Variants in PDLIM1 observed in about 807,000 individuals in gnomAD.
PDLIM1 encodes PDZ and LIM domain 1, also known as PDZ and LIM domain protein 1.
A neutral mutation model predicts 35.2 loss-of-function variants in PDLIM1; 25 were observed. The observed-to-expected ratio is 0.71, with a 90% CI of 0.52 to 0.99. The LOEUF (loss-of-function observed/expected upper bound fraction) is 0.99. PDLIM1 is among the 50% of genes least tolerant of loss of function. The pLI is 0.00. For missense variants in PDLIM1, 363 were observed against 415.3 expected (o/e 0.87, Z 1.09); for synonymous variants, 152 against 154.0 (o/e 0.99, Z 0.10).
Position 95,275,717 on chromosome 10 carries a change from C to T in PDLIM1, c.97-3933G>A, listed in dbSNP as rs543509272. Among the ~76,000 whole-genome samples the T allele has an allele frequency of 5.3e-5, 8 of 152,236 alleles. No individual in the cohort carries two copies. In the East Asian group the frequency reaches 5.8e-4, roughly 11 times the overall value. The stretch of plus-strand genomic sequence containing the variant: ...AAAGAAGTTTCCTTTCACTTTTTTA[C>T]GGTGAACTGCTGAGAAGTCCAGAAT... On this transcript the variant is annotated intron_variant, in intron 1 of 6. Transcript: ENST00000329399.
At chr10:95,283,583 G>T (rs929426780) in intron 1 of PDLIM1, among the ~76,000 whole-genome samples, 1 of 152,214 alleles carries the variant, frequency 6.6e-6, no homozygotes, top group Non-Finnish European at 1.5e-5. Context: ...GTCTGGAAAG[G>T]TTTGCAGCCA....
chr10:95,266,535 T>C (rs2035418537), intron 3 of PDLIM1, among the ~76,000 whole-genome samples: 3 of 152,194 alleles, frequency 2.0e-5, no homozygotes, highest in South Asian at 2.1e-4. Flanking sequence ...GGAATACCCC[T>C]CTAAGCCCAT....
At chr10:95,270,635 T>C (rs1366168493) in intron 2 of PDLIM1, among the ~76,000 whole-genome samples, 2 of 152,228 alleles carry the variant, frequency 1.3e-5, no homozygotes, top group African/African-American at 2.4e-5. Context: ...TTGCTTGTCA[T>C]GTACCTAAAG....
chr10:95,287,249 C>G (rs188394997), intron 1 of PDLIM1, among the ~76,000 whole-genome samples: 1 of 152,298 alleles, frequency 6.6e-6, no homozygotes, highest in African/African-American at 2.4e-5. Context: ...CATAATGACC[C>G]TTTTTGGACA....
At chr10:95,278,487 T>C (rs1293303113) in intron 1 of PDLIM1, among the ~76,000 whole-genome samples, 2 of 152,072 alleles carry the variant, frequency 1.3e-5, no homozygotes, top group African/African-American at 4.8e-5. Context: ...TGATGAGTGT[T>C]GTGCTAGAAC....
chr10:95,247,135 G>T, intron 5 of PDLIM1, 80 bp downstream of exon 5: 2 of 1,303,084 alleles, frequency 1.5e-6, no homozygotes. Flanking sequence ...TCCAGAGTGT[G>T]TTCACCTGTG....
intron 3 of PDLIM1, among the ~76,000 whole-genome samples, chr10:95,264,982 T>A (rs376295465): frequency 1.3e-5 from 2 of 152,178 alleles, no homozygotes; most frequent in Admixed American, 1.3e-4. Context: ...CCTTTCTATA[T>A]GGGTGTCTGG....
intron 1 of PDLIM1, among the ~76,000 whole-genome samples, chr10:95,287,592 A>G (rs1430558728): frequency 1.3e-5 from 2 of 152,164 alleles, no homozygotes; most frequent in African/African-American, 2.4e-5. Flanking sequence ...CTGAGTTGCA[A>G]TGTTGGCCTG....
intron 5 of PDLIM1, among the ~76,000 whole-genome samples, chr10:95,240,930 AAC>A (rs34859708): frequency 0.15 from 23,210 of 152,214 alleles, 2,141 homozygotes; most frequent in Middle Eastern, 0.42. Context: ...AGGCCTTGTT[AAC>A]ACACAGATTG....
intron 4 of PDLIM1, among the ~76,000 whole-genome samples, chr10:95,262,857 G>T (rs1281684896): frequency 6.6e-6 from 1 of 152,132 alleles, no homozygotes; most frequent in Non-Finnish European, 1.5e-5. Flanking sequence ...CTCCAATAAA[G>T]ACTCAAAGGG....
At chr10:95,247,046 C>CCTCTCT (rs71486754) in intron 5 of PDLIM1, among the ~76,000 whole-genome samples, 169 bp downstream of exon 5, 1 of 149,348 alleles carries the variant, frequency 6.7e-6, no homozygotes, top group Non-Finnish European at 1.5e-5. Context: ...GCACTCTCTT[C>CCTCTCT]CTCTCTCTCT....
In PDLIM1 at chr10:95,290,378, C is replaced by G. The variant is rs1174498665; in HGVS notation, c.96+442G>C. On this transcript the variant is annotated intron_variant, in intron 1 of 6. Transcript: ENST00000329399. This position sits in a 1 kb window ranked among gnomAD's most constrained non-coding sequence, Gnocchi z 4.7. ...TAGGTTAATCCCACTTGCCCCCCACCCCAGTAAACTTCCCACCCACCCCAC... is the reference window on the plus strand; with the variant it reads ...TAGGTTAATCCCACTTGCCCCCCACGCCAGTAAACTTCCCACCCACCCCAC... 6.6e-6 allele frequency among the ~76,000 whole-genome samples: 1 copy of G among 151,798 alleles called. No homozygotes were observed. The highest frequency in any genetic ancestry group is 1.5e-5 in the Non-Finnish European group (1 of 67,968).
intron 4 of PDLIM1, among the ~76,000 whole-genome samples, chr10:95,260,774 A>G (rs2035354643): frequency 6.6e-6 from 1 of 152,240 alleles, no homozygotes; most frequent in Non-Finnish European, 1.5e-5. Flanking sequence ...CCAATTCTGG[A>G]ACTTCAGCGA....
At position 95,279,274 on chromosome 10, in the gene PDLIM1, T is replaced by C. The variant is rs570798583; in HGVS notation, c.97-7490A>G. On this transcript the variant is annotated intron_variant, in intron 1 of 6. Transcript: ENST00000329399. ...TACTGCCCCAGCCACAGAAACCCAG[T>C]ACCTGTTACCATTTATGATCATTCT... 5.0e-3 allele frequency among the ~76,000 whole-genome samples: 764 copies of C among 152,312 alleles called. 7 individuals are homozygous for C. The highest frequency in any genetic ancestry group is 0.018 in the African/African-American group (741 of 41,574).
At chr10:95,259,288 T>C in intron 4 of PDLIM1, among the ~76,000 whole-genome samples, 1 of 152,162 alleles carries the variant, frequency 6.6e-6, no homozygotes. Flanking sequence ...TTAAGAAATA[T>C]TTTCCCCAAA....
rs1483249177 is a variant in PDLIM1, at chr10:95,290,154, G to C, written c.96+666C>G. On this transcript the variant is annotated intron_variant, in intron 1 of 6. Coordinates refer to ENST00000329399, the MANE Select transcript of PDLIM1 (RefSeq NM_020992.4). This position sits in a 1 kb window ranked among gnomAD's most constrained non-coding sequence, Gnocchi z 4.7. ...CCTGAGAAAAAAGGGCTGGTGCGGG[G>C]AGGGGAAAGAGATAATCTGGGAATG... Among the ~76,000 whole-genome samples the C allele has an allele frequency of 6.6e-6, 1 of 152,210 alleles. No individual in the cohort carries two copies. The highest frequency in any genetic ancestry group is 6.5e-5 in the Admixed American group (1 of 15,282).
chr10:95,241,508 G>A (rs2035177880), intron 5 of PDLIM1, among the ~76,000 whole-genome samples: 1 of 152,166 alleles, frequency 6.6e-6, no homozygotes, highest in Non-Finnish European at 1.5e-5. Context: ...GAAAGGGGAT[G>A]CCACTGGCGT....
chr10:95,245,898 G>T (rs1314107003), intron 5 of PDLIM1, among the ~76,000 whole-genome samples: 1 of 152,178 alleles, frequency 6.6e-6, no homozygotes, highest in African/African-American at 2.4e-5. Flanking sequence ...CCAGGAAGCT[G>T]AATCTTCGGC....
At chr10:95,248,198 T>C (rs554693084) in intron 4 of PDLIM1, among the ~76,000 whole-genome samples, 10 of 152,364 alleles carry the variant, frequency 6.6e-5, no homozygotes, top group East Asian at 1.9e-4. Flanking sequence ...GTCCAAGCCA[T>C]GCCATGCTTA....
Sources: allele counts gnomAD v4.1 joint callset (sites outside exome capture counted in the v4.1 genomes callset), GRCh38; gene constraint gnomAD v4.1.1; non-coding constraint Gnocchi (gnomAD v3.1); transcripts MANE v1.5; gene names NCBI Gene and HGNC (gene_info 2026-07-23, HGNC 2026-07-21).